The following CDRT4 variants were observed in gnomAD, a reference collection of about 807,000 sequenced individuals.
CDRT4 encodes CMT1A duplicated region transcript 4 protein.
For missense variants in CDRT4, 167 were observed against 193.1 expected, an observed-to-expected ratio of 0.87 and a Z score of 0.80; for synonymous variants, 64 against 69.6, an observed-to-expected ratio of 0.92 and a Z score of 0.40.
At chr17:15,441,504 C>T (rs1334284511) in intron 2 of CDRT4, among the ~76,000 whole-genome samples, 2 of 152,078 alleles carry the variant, frequency 1.3e-5, no homozygotes, top group Non-Finnish European at 2.9e-5. Flanking sequence ...TCAGCTGCCA[C>T]GTACGTGAGG....
At chr17:15,459,380 A>G (rs1188659822) in intron 1 of CDRT4, among the ~76,000 whole-genome samples, 1 of 149,550 alleles carries the variant, frequency 6.7e-6, no homozygotes, top group Non-Finnish European at 1.5e-5. Flanking sequence ...CTCACTCTTG[A>G]TAGGTGTCAA....
Position 15,437,678 on chromosome 17 carries a change from C to CAAGT in CDRT4, c.*91_*94dup. ...CAAGTTCAGATTTAAAGGACACTGT[C>CAAGT]AAGTGAGTGGTAAATGGAGCTTAAC... On this transcript the variant is annotated 3_prime_UTR_variant, in exon 4 of 4. Transcript: ENST00000619038. 7.9e-7 allele frequency: 1 copy of CAAGT among 1,273,780 alleles called. No homozygotes were observed. The highest frequency in any genetic ancestry group is 1.4e-5 in the South Asian group (1 of 71,106). 78.9% of individuals were successfully genotyped at this position (1,273,780 alleles called of 1,614,324 possible).
At chr17:15,463,780 G>A (rs1010370936) in intron 1 of CDRT4, among the ~76,000 whole-genome samples, 24 of 152,066 alleles carry the variant, frequency 1.6e-4, no homozygotes, top group Admixed American at 6.5e-4. Flanking sequence ...GCATCCTCCC[G>A]CCTGCCCGTC....
intron 1 of CDRT4, among the ~76,000 whole-genome samples, chr17:15,465,724 A>G (rs1980006318): frequency 6.6e-6 from 1 of 152,222 alleles, no homozygotes; most frequent in Non-Finnish European, 1.5e-5. Context: ...GGAGACACAT[A>G]TGCCTACACA....
At chr17:15,455,996 C>A (rs1165567807) in intron 1 of CDRT4, among the ~76,000 whole-genome samples, 2 of 152,058 alleles carry the variant, frequency 1.3e-5, no homozygotes, top group Non-Finnish European at 2.9e-5. Flanking sequence ...AAGGGATAAC[C>A]AATAAAAAGC....
intron 2 of CDRT4, among the ~76,000 whole-genome samples, chr17:15,447,926 T>C (rs974817704): frequency 6.6e-6 from 1 of 152,166 alleles, no homozygotes; most frequent in Non-Finnish European, 1.5e-5. Flanking sequence ...CAAACTCATA[T>C]TCAGGAAAGC....
At position 15,450,781 on chromosome 17, in the gene CDRT4, T is replaced by C. The variant is rs1424496831; in HGVS notation, c.-48+2223A>G. On this transcript the variant is annotated intron_variant, in intron 2 of 3. Transcript: ENST00000619038. The surrounding 1 kb of genome is among the most constrained non-coding windows in gnomAD (Gnocchi z 4.2). The stretch of plus-strand genomic sequence containing the variant: ...GGTTCAAACAAACTCTTGACCTTAC[T>C]CCATAAAATGTTCCTCTCTGGTCTC... Among the ~76,000 whole-genome samples the C allele has an allele frequency of 6.6e-6, 1 of 152,180 alleles. No homozygotes were observed. The highest frequency in any genetic ancestry group is 1.5e-5 in the Non-Finnish European group (1 of 68,040).
chr17:15,461,694 T>G (rs953075359), intron 1 of CDRT4, among the ~76,000 whole-genome samples: 3 of 152,216 alleles, frequency 2.0e-5, no homozygotes, highest in Non-Finnish European at 4.4e-5. Context: ...TGGACCATTT[T>G]CTTGCCACAG....
chr17:15,438,890 C>T (rs768847395), intron 3 of CDRT4, among the ~76,000 whole-genome samples: 47 of 152,236 alleles, frequency 3.1e-4, no homozygotes, highest in African/African-American at 1.1e-3. Context: ...CTAGCTTGCA[C>T]GACTAACAAG....
intron 2 of CDRT4, among the ~76,000 whole-genome samples, chr17:15,443,230 A>T (rs1978852313): frequency 1.3e-5 from 2 of 151,962 alleles, no homozygotes; most frequent in Admixed American, 1.3e-4. Flanking sequence ...AATGAGGAAG[A>T]GGATGAACTC....
Position 15,438,174 on chromosome 17 carries a change from G to A in CDRT4, c.58C>T (p.Arg20Trp), listed in dbSNP as rs781118198. ...GGGTCATGTTTTTCAAGTAGCTTCC[G>A]GGGAAGTCCAGTGTTTTCTGTGAGT... ...EGLTENTGLP[R>W]KLLEKHDPWP... The change falls in exon 4 of 4, where the codon CGG becomes TGG. Residue 20 changes from arginine to tryptophan, a missense_variant. Physicochemically the swap from Arg to Trp is moderately radical, Grantham distance 101 (BLOSUM62 -3). Coordinates refer to ENST00000619038, the MANE Select transcript of CDRT4 (RefSeq NM_001204477.2). 4.2e-5 allele frequency: 67 copies of A among 1,613,776 alleles called. 1 individual carries two copies. Among genetic ancestry groups the A allele is most frequent in the South Asian group, 1.6e-4 (15 of 91,072 alleles).
rs1978511302 is a variant in CDRT4, at chr17:15,436,828, T to C, written c.*945A>G. 2 of 152,222 alleles carry C rather than the reference T, an allele frequency of 1.3e-5. No homozygotes were observed. The highest frequency in any genetic ancestry group is 2.9e-5 in the Non-Finnish European group (2 of 68,080). The allele number at this position is 152,222 out of a possible 1,614,324, so 9.4% of individuals were successfully genotyped here. ...AGCTAATTCCCTCTTGGCTTCAAAA[T>C]CCATCCTATGCTTGGAGATGCTGGG... On this transcript the variant is annotated 3_prime_UTR_variant, in exon 4 of 4. Transcript: ENST00000619038.
intron 3 of CDRT4, among the ~76,000 whole-genome samples, chr17:15,439,797 G>A (rs931234447): frequency 1.3e-5 from 2 of 152,284 alleles, no homozygotes; most frequent in African/African-American, 4.8e-5. Context: ...TAGGGACATG[G>A]ATGAAGCTGG....
chr17:15,443,759 C>T, intron 2 of CDRT4: 1 of 500,466 alleles, frequency 2.0e-6, no homozygotes. Context: ...AGTGTAGAAC[C>T]CAGTCTTCTC....
chr17:15,437,733 G>C lies in CDRT4; in HGVS notation c.*40C>G, dbSNP rs769595009. On this transcript the variant is annotated 3_prime_UTR_variant, in exon 4 of 4. Transcript: ENST00000619038. ...GTACGTTCTTGGGGAATGGCTGCAG[G>C]GACCCCTGGCTAAAACATTTGCATG... 1 of 1,592,274 alleles carries C rather than the reference G, an allele frequency of 6.3e-7. No homozygotes were observed. Among genetic ancestry groups the C allele is most frequent in the African/African-American group, 1.3e-5 (1 of 74,352 alleles).
chr17:15,466,683 C>T (rs1435093624), intron 1 of CDRT4, among the ~76,000 whole-genome samples: 27 of 152,094 alleles, frequency 1.8e-4, no homozygotes. Context: ...CCTGCCTCAG[C>T]CTCCAGAGTA....
At chr17:15,439,957 G>GA (rs1341812647) in intron 3 of CDRT4, among the ~76,000 whole-genome samples, 1 of 152,074 alleles carries the variant, frequency 6.6e-6, no homozygotes, top group Non-Finnish European at 1.5e-5. Context: ...GGAGAGGGGG[G>GA]AGGGATAGCA....
chr17:15,460,012 G>A (rs569375666), intron 1 of CDRT4, among the ~76,000 whole-genome samples: 101 of 152,022 alleles, frequency 6.6e-4, no homozygotes, highest in Non-Finnish European at 1.3e-3. Context: ...CACCCTTCAC[G>A]TCTTCATCTG....
chr17:15,446,357 C>T (rs1290558982), intron 2 of CDRT4, among the ~76,000 whole-genome samples: 1 of 152,040 alleles, frequency 6.6e-6, no homozygotes, highest in Admixed American at 6.5e-5. Context: ...ATGGGTTCTG[C>T]GGGGTGCACA....
Sources: allele counts gnomAD v4.1 joint callset (sites outside exome capture counted in the v4.1 genomes callset), GRCh38; gene constraint gnomAD v4.1.1; non-coding constraint Gnocchi (gnomAD v3.1); transcripts MANE v1.5; gene names NCBI Gene and HGNC (gene_info 2026-07-23, HGNC 2026-07-21).